Variants in CCDC97 observed in about 807,000 individuals in gnomAD.
The protein encoded by CCDC97 is coiled-coil domain-containing protein 97.
Under a neutral mutation model 33.9 loss-of-function variants are expected in CCDC97, and 27 were observed. The observed-to-expected ratio is 0.80, with a 90% confidence interval of 0.59 to 1.10. The LOEUF (loss-of-function observed/expected upper bound fraction) is 1.10, where lower values mean the gene tolerates loss of function less well. Among genes scored for constraint, CCDC97 ranks in the 50% least tolerant of loss-of-function variants. The pLI is 0.00. For synonymous variants in CCDC97, 217 were observed against 194.0 expected (o/e 1.12, Z -0.99); for missense variants, 422 against 476.6 (o/e 0.89, Z 1.07).
In CCDC97 at chr19:41,319,814, T is replaced by G. The variant is rs1270218116; in HGVS notation, c.743T>G (p.Leu248Trp). 1.9e-6 allele frequency: 3 copies of G among 1,591,686 alleles called. No individual in the cohort carries two copies. In the Admixed American group the frequency reaches 5.0e-5, roughly 27 times the overall value. ...LQQQEEEEAC[L>W]EEEEEEEDSD... ...CAGCAGGAGGAGGAGGAGGCCTGCT[T>G]GGAGGAAGAGGAAGAGGAGGAGGAC... Residue 248 changes from leucine to tryptophan, a missense_variant, in exon 3 of 5, where the codon TTG becomes TGG. By Grantham distance (61) the Leu-to-Trp change is moderately conservative (BLOSUM62 -2). Transcript: ENST00000269967.
intron 1 of CCDC97, among the ~76,000 whole-genome samples, chr19:41,312,906 A>G (rs749308442): frequency 1.3e-5 from 2 of 151,870 alleles, no homozygotes; most frequent in Non-Finnish European, 2.9e-5. Flanking sequence ...CAGCCTCCTG[A>G]GTACCTGGGA....
chr19:41,319,893 C>G, intron 3 of CCDC97, 41 bp downstream of exon 3: 1 of 968,818 alleles, frequency 1.0e-6, no homozygotes, highest in Non-Finnish European at 1.6e-6. Context: ...TCCAGACACC[C>G]CAGCCCTAGG....
Position 41,324,766 on chromosome 19 carries a change from C to T in CCDC97, c.*2051C>T, listed in dbSNP as rs552070122. The T allele has an allele frequency of 1.3e-5, 2 of 152,278 alleles. No homozygotes were observed. The highest frequency in any genetic ancestry group is 3.9e-4 in the East Asian group (2 of 5,184). The allele number at this position is 152,278 out of a possible 1,614,324, so 9.4% of individuals were successfully genotyped here. A position where few individuals can be genotyped will look rare whatever the true frequency, so the allele number is the denominator to read the frequency against. ...CTCTTACCTGCCTGTATTTGTGCCCCATTTTTAAAGAGCAGAGGGCCTGGG... is the reference window on the plus strand; with the variant it reads ...CTCTTACCTGCCTGTATTTGTGCCCTATTTTTAAAGAGCAGAGGGCCTGGG... On this transcript the variant is annotated 3_prime_UTR_variant, in exon 5 of 5. Transcript: ENST00000269967.
chr19:41,320,280 CTG>C (rs1243613797), intron 3 of CCDC97, 59 bp from the exon 4 acceptor site: 22 of 1,603,350 alleles, frequency 1.4e-5, no homozygotes, highest in Non-Finnish European at 1.6e-5. Context: ...TCTGTGGACT[CTG>C]TGCTCAGTGC....
intron 1 of CCDC97, among the ~76,000 whole-genome samples, 176 bp from the exon 2 acceptor site, chr19:41,316,207 TA>T (rs2123056442): frequency 6.6e-6 from 1 of 152,350 alleles, no homozygotes; most frequent in South Asian, 2.1e-4. Context: ...ATTATGTTGC[TA>T]ATTGTTTGTG....
chr19:41,320,191 G>GTCCCTGCCCTC, intron 3 of CCDC97, 150 bp from the exon 4 acceptor site: 1 of 950,956 alleles, frequency 1.1e-6, no homozygotes, highest in Non-Finnish European at 1.6e-6. Context: ...TCCCTGGAGG[G>GTCCCTGCCCTC]CAGGGACCAG....
At chr19:41,320,152 G>C (rs917778753) in intron 3 of CCDC97, among the ~76,000 whole-genome samples, 189 bp from the exon 4 acceptor site, 1 of 152,168 alleles carries the variant, frequency 6.6e-6, no homozygotes, top group East Asian at 1.9e-4. Context: ...AGTCTCCAGA[G>C]CACTATATGG....
At chr19:41,317,522 A>G (rs1287033166) in intron 2 of CCDC97, among the ~76,000 whole-genome samples, 5 of 151,826 alleles carry the variant, frequency 3.3e-5, no homozygotes, top group Admixed American at 2.0e-4. Context: ...CATGAGTTCA[A>G]GACCAGCCTG....
intron 1 of CCDC97, among the ~76,000 whole-genome samples, chr19:41,314,201 C>T (rs540735910): frequency 1.7e-4 from 25 of 151,358 alleles, no homozygotes; most frequent in South Asian, 6.2e-4. Context: ...GACTGGAGTG[C>T]AATGGCACGA....
At position 41,319,568 on chromosome 19, in the gene CCDC97, G is replaced by A. The variant is rs977693384; in HGVS notation, c.503-6G>A. 6 of 1,585,826 alleles carry A rather than the reference G, an allele frequency of 3.8e-6. No homozygotes were observed. The highest frequency in any genetic ancestry group is 1.1e-5 in the South Asian group (1 of 87,206). ...CCCATGCCCACCCTGTCTCTCCTCTGTGCAGGGGGCGAGTACTTCAGTGAT... is the reference window on the plus strand; with the variant it reads ...CCCATGCCCACCCTGTCTCTCCTCTATGCAGGGGGCGAGTACTTCAGTGAT... On this transcript the variant is annotated splice_polypyrimidine_tract_variant and splice_region_variant and intron_variant, in intron 2 of 4. Transcript: ENST00000269967.
chr19:41,313,582 G>A (rs1041564893), intron 1 of CCDC97, among the ~76,000 whole-genome samples: 3 of 152,104 alleles, frequency 2.0e-5, no homozygotes, highest in Non-Finnish European at 4.4e-5. Flanking sequence ...ACCCAGCCAC[G>A]CTGCTTAAAG....
intron 1 of CCDC97, among the ~76,000 whole-genome samples, chr19:41,312,124 C>T (rs559605078): frequency 9.2e-5 from 14 of 152,300 alleles, no homozygotes; most frequent in African/African-American, 3.4e-4. Context: ...CACTCTGTTG[C>T]CCAGGCTGGA....
intron 1 of CCDC97, 63 bp downstream of exon 1, chr19:41,310,419 T>TC: frequency 6.4e-7 from 1 of 1,557,054 alleles, no homozygotes; most frequent in Non-Finnish European, 8.7e-7. Flanking sequence ...AGGAAATGAT[T>TC]CCCCCAGGAA....
intron 2 of CCDC97, among the ~76,000 whole-genome samples, chr19:41,318,954 A>G (rs2037781890): frequency 6.6e-6 from 1 of 152,178 alleles, no homozygotes; most frequent in Non-Finnish European, 1.5e-5. Context: ...CCCCACAAAC[A>G]GGCACACAAC....
Position 41,322,604 on chromosome 19 carries a change from C to T in CCDC97, c.921C>T (p.Asp307=), listed in dbSNP as rs143105404. The part of the protein sequence containing the change: ...KDGDFDYSTV[D]DNPDFDNLDI... ...CCTCCTCCTCCTGCAGCACAGTAGACGACAACCCCGACTTCGACAACCTCG... is the reference window on the plus strand; with the variant it reads ...CCTCCTCCTCCTGCAGCACAGTAGATGACAACCCCGACTTCGACAACCTCG... The change falls in exon 5 of 5, where the codon GAC becomes GAT. Residue 307 remains aspartate, a synonymous_variant. Transcript: ENST00000269967. 1.1e-4 allele frequency: 183 copies of T among 1,613,102 alleles called. 1 individual carries two copies. The highest frequency in any genetic ancestry group is 8.2e-4 in the Middle Eastern group (5 of 6,080).
intron 2 of CCDC97, among the ~76,000 whole-genome samples, chr19:41,318,080 A>G (rs1568469427): frequency 6.6e-6 from 1 of 151,726 alleles, no homozygotes; most frequent in Non-Finnish European, 1.5e-5. Context: ...AGATGGAGAT[A>G]AAGGAAGAGA....
At chr19:41,315,760 A>G (rs796668639) in intron 1 of CCDC97, among the ~76,000 whole-genome samples, 5 of 152,188 alleles carry the variant, frequency 3.3e-5, no homozygotes, top group African/African-American at 1.2e-4. Context: ...ATTGCACTCC[A>G]GCCTGGCAAT....
chr19:41,318,942 G>A (rs990953589), intron 2 of CCDC97, among the ~76,000 whole-genome samples: 3 of 152,106 alleles, frequency 2.0e-5, no homozygotes, highest in African/African-American at 7.2e-5. Context: ...GCCAGACTAG[G>A]GCCCCACAAA....
intron 1 of CCDC97, among the ~76,000 whole-genome samples, chr19:41,314,545 T>C (rs1396458552): frequency 1.3e-5 from 2 of 152,266 alleles, no homozygotes; most frequent in African/African-American, 4.8e-5. Context: ...ATTTAAAGAA[T>C]TGAGTGGATC....
Sources: allele counts gnomAD v4.1 joint callset (sites outside exome capture counted in the v4.1 genomes callset), GRCh38; gene constraint gnomAD v4.1.1; transcripts MANE v1.5; gene names NCBI Gene and HGNC (gene_info 2026-07-23, HGNC 2026-07-21).